Variants in SULF2 observed in about 807,000 individuals in gnomAD.
SULF2 encodes sulfatase 2.
A neutral mutation model predicts 107.7 loss-of-function variants in SULF2; 52 were observed. The observed-to-expected ratio is 0.48, with a 90% CI of 0.39 to 0.61. SULF2 has a LOEUF of 0.61. Ranked by LOEUF, SULF2 falls within the 20% of genes least tolerant of loss-of-function variation. SULF2 has a pLI of 0.00. For synonymous variants in SULF2, 460 were observed against 464.3 expected, an observed-to-expected ratio of 0.99 and a Z score of 0.12; for missense variants, 993 against 1,177.3, an observed-to-expected ratio of 0.84 and a Z score of 2.29.
At chr20:47,737,590 C>CA (rs375133820) in intron 2 of SULF2, among the ~76,000 whole-genome samples, 147 of 152,050 alleles carry the variant, frequency 9.7e-4, no homozygotes, top group African/African-American at 3.0e-3. Flanking sequence ...CACCACCCCT[C>CA]ACCCCAAATC....
chr20:47,667,929 C>T (rs2087331571), intron 11 of SULF2, among the ~76,000 whole-genome samples: 1 of 152,222 alleles, frequency 6.6e-6, no homozygotes, highest in Non-Finnish European at 1.5e-5. Flanking sequence ...AGACACCTTG[C>T]ATCAGAGTCA....
chr20:47,784,353 A>C (rs894511280), intron 1 of SULF2, among the ~76,000 whole-genome samples: 2 of 152,150 alleles, frequency 1.3e-5, no homozygotes, highest in African/African-American at 2.4e-5. Context: ...CTGCAGGAAG[A>C]CTTTCCAGAA....
At chr20:47,667,241 C>T (rs8184590) in intron 11 of SULF2, among the ~76,000 whole-genome samples, 17,562 of 152,070 alleles carry the variant, frequency 0.12, 1,367 homozygotes, top group Middle Eastern at 0.2. Flanking sequence ...TAGAAATGGA[C>T]GGGGACTGGG....
At chr20:47,755,888 G>C (rs1300817197) in intron 2 of SULF2, among the ~76,000 whole-genome samples, 1 of 148,628 alleles carries the variant, frequency 6.7e-6, no homozygotes, top group Non-Finnish European at 1.5e-5. Context: ...CACGGCCCCA[G>C]CTCCCTCCAC....
At chr20:47,742,392 G>C (rs1433163393) in intron 2 of SULF2, among the ~76,000 whole-genome samples, 2 of 152,200 alleles carry the variant, frequency 1.3e-5, no homozygotes, top group African/African-American at 4.8e-5. Context: ...GACAAAAACA[G>C]ACCCGGTTTC....
chr20:47,692,133 T>C (rs944065527), intron 4 of SULF2, among the ~76,000 whole-genome samples: 1 of 152,234 alleles, frequency 6.6e-6, no homozygotes, highest in Admixed American at 6.5e-5. Flanking sequence ...TCTTGAAATA[T>C]ACCCTCTGCT....
intron 1 of SULF2, among the ~76,000 whole-genome samples, chr20:47,762,289 T>G (rs2090433828): frequency 6.6e-6 from 1 of 152,228 alleles, no homozygotes; most frequent in African/African-American, 2.4e-5. Flanking sequence ...GGAGTGCTAA[T>G]ATTGGGAGAA....
chr20:47,768,826 T>C (rs1600682735), intron 1 of SULF2, among the ~76,000 whole-genome samples: 1 of 151,696 alleles, frequency 6.6e-6, no homozygotes. Flanking sequence ...AGAGCACTTA[T>C]CATAACTTGT....
chr20:47,674,374 C>T (rs1313444496), intron 10 of SULF2, among the ~76,000 whole-genome samples: 1 of 152,230 alleles, frequency 6.6e-6, no homozygotes, highest in Non-Finnish European at 1.5e-5. Flanking sequence ...CTGCCTCCAC[C>T]ACTTGAAGCT....
chr20:47,663,531 TG>T lies in SULF2; in HGVS notation c.2148del (p.Asn716LysfsTer45). On this transcript the variant is annotated frameshift_variant, in exon 16 of 21. Coordinates refer to ENST00000688720, the MANE Select transcript of SULF2 (RefSeq NM_001387048.1). LOFTEE classifies it high-confidence loss of function. ...KLRKLLKRLQ[N>X]NDTCSMPGLT... ...AGGCCTGGCATGCTGCACGTGTCGT[TG>T]TTCTGCAGGCGCTTGAGCAGCTTGC... 2 of 1,613,040 alleles carry T rather than the reference TG, an allele frequency of 1.2e-6. No individual in the cohort carries two copies. The highest frequency in any genetic ancestry group is 1.7e-6 in the Non-Finnish European group (2 of 1,180,000).
intron 3 of SULF2, among the ~76,000 whole-genome samples, chr20:47,714,100 C>A (rs920770081): frequency 2.0e-5 from 3 of 152,204 alleles, no homozygotes; most frequent in Admixed American, 1.3e-4. Flanking sequence ...AAGCAGAAGC[C>A]TGTGGAAAGT....
rs1380814766 is a variant in SULF2, at chr20:47,657,849, T to C, written c.*513A>G. ...TAGTGCTAGGTAAATGTCATCTCTT[T>C]TGTGCTACTGACTCATTGTCAAACG... On this transcript the variant is annotated 3_prime_UTR_variant, in exon 21 of 21. Transcript: ENST00000688720. 2 of 160,556 alleles carry C rather than the reference T, an allele frequency of 1.2e-5. No individual in the cohort carries two copies. The highest frequency in any genetic ancestry group is 6.0e-5 in the Admixed American group (1 of 16,724). The allele number at this position is 160,556 out of a possible 1,614,324, so 9.9% of individuals were successfully genotyped here. A position where few individuals can be genotyped will look rare whatever the true frequency, so the allele number is the denominator to read the frequency against.
In SULF2 at chr20:47,756,284, A is replaced by G. The variant is rs1373617826; in HGVS notation, c.175+905T>C. Among the ~76,000 whole-genome samples the G allele has an allele frequency of 2.6e-5, 4 of 151,942 alleles. No individual in the cohort carries two copies. In the East Asian group the frequency reaches 7.7e-4, roughly 29 times the overall value. ...GCCTCATTCTAAATGCTGCCAGGAG[A>G]TAGGTATCCTATGTGTCAAATTGTC... On this transcript the variant is annotated intron_variant, in intron 2 of 20. Transcript: ENST00000688720.
intron 1 of SULF2, among the ~76,000 whole-genome samples, chr20:47,773,745 C>T (rs1039121107): frequency 2.6e-5 from 4 of 152,230 alleles, no homozygotes; most frequent in African/African-American, 7.2e-5. Flanking sequence ...TCATTATTCA[C>T]GCCTAACTGT....
intron 6 of SULF2, among the ~76,000 whole-genome samples, 167 bp from the exon 7 acceptor site, chr20:47,683,336 C>T (rs1441165683): frequency 6.6e-6 from 1 of 152,180 alleles, no homozygotes; most frequent in African/African-American, 2.4e-5. Context: ...CTTCCTGCCT[C>T]TTGTCACCCC....
At chr20:47,689,857 C>T (rs940440177) in intron 5 of SULF2, 2 of 336,800 alleles carry the variant, frequency 5.9e-6, no homozygotes, top group African/African-American at 2.1e-5. Context: ...AAAAGGAAAC[C>T]TATTCTATGC....
intron 1 of SULF2, among the ~76,000 whole-genome samples, chr20:47,769,879 A>G (rs767160938): frequency 1.3e-5 from 2 of 151,978 alleles, no homozygotes; most frequent in African/African-American, 2.4e-5. Context: ...GGGAGGGAAC[A>G]TGCCTTGTGG....
chr20:47,667,975 C>T (rs1363284661), intron 11 of SULF2, among the ~76,000 whole-genome samples: 1 of 152,216 alleles, frequency 6.6e-6, no homozygotes, highest in South Asian at 2.1e-4. Context: ...CGGGAAAGGC[C>T]TCCCCTCTCC....
chr20:47,725,065 C>G (rs550132141), intron 3 of SULF2, among the ~76,000 whole-genome samples: 1 of 152,146 alleles, frequency 6.6e-6, no homozygotes, highest in African/African-American at 2.4e-5. Flanking sequence ...AGGCACAACA[C>G]AGTAGTCAGG....
Sources: gnomAD v4.1 joint callset for allele counts (sites outside exome capture counted in the v4.1 genomes callset) on GRCh38, gnomAD v4.1.1 for gene constraint, MANE v1.5 for transcripts, NCBI Gene and HGNC (gene_info 2026-07-23, HGNC 2026-07-21) for gene names.